Variants in COL22A1 observed in about 807,000 individuals in gnomAD.
COL22A1 encodes the protein collagen type XXII alpha 1 chain.
Under a neutral mutation model 248.9 loss-of-function variants are expected in COL22A1, and 221 were observed. That is an observed-to-expected ratio of 0.89 (90% CI 0.80 to 0.99). COL22A1 has a LOEUF of 0.99. Among genes scored for constraint, COL22A1 ranks in the 50% least tolerant of loss-of-function variants. The probability of loss-of-function intolerance (pLI) is 0.00; values close to 1 mark genes in which losing one functional copy is unlikely to be tolerated. For missense variants in COL22A1, 2,240 were observed against 2,179.0 expected, an observed-to-expected ratio of 1.03 and a Z score of -0.56; for synonymous variants, 891 against 793.4, an observed-to-expected ratio of 1.12 and a Z score of -2.07.
At chr8:138,669,885 CTTTT>C (rs34714342) in intron 41 of COL22A1, among the ~76,000 whole-genome samples, 10 of 121,232 alleles carry the variant, frequency 8.2e-5, no homozygotes, top group Non-Finnish European at 1.1e-4. Flanking sequence ...ACTCCTAAGA[CTTTT>C]TTTTTTTTTT....
chr8:138,724,432 A>G (rs145124619), intron 25 of COL22A1, among the ~76,000 whole-genome samples, 183 bp downstream of exon 25: 2 of 152,160 alleles, frequency 1.3e-5, no homozygotes, highest in African/African-American at 4.8e-5. Context: ...CAGACAGGGC[A>G]CTAGCACGAG....
intron 1 of COL22A1, among the ~76,000 whole-genome samples, chr8:138,912,699 C>T (rs1815537091): frequency 6.6e-6 from 1 of 151,932 alleles, no homozygotes. Flanking sequence ...GCCGAGGCTG[C>T]ACCTCGCACC....
At position 138,663,719 on chromosome 8, in the gene COL22A1, C is replaced by G; in HGVS notation, c.3172G>C (p.Asp1058His). 1 of 1,611,102 alleles carries G rather than the reference C, an allele frequency of 6.2e-7. No individual in the cohort carries two copies. Among genetic ancestry groups the G allele is most frequent in the Non-Finnish European group, 8.5e-7 (1 of 1,177,254 alleles). The change falls in exon 42 of 65, where the codon GAC (aspartate) becomes CAC (histidine). Residue 1058 changes from aspartate to histidine, a missense_variant. Physicochemically the swap from Asp to His is moderately conservative, Grantham distance 81 (BLOSUM62 -1). Coordinates refer to ENST00000303045, the MANE Select transcript of COL22A1 (RefSeq NM_152888.3). Reference protein sequence around the residue: ...GPPGPSGPPGDKGSPGSRGLP... With the variant: ...GPPGPSGPPGHKGSPGSRGLP... Reference sequence around the variant, plus strand: ...GCATACTGTACCGGGGATCCTTTGTCTCCTGGTGGTCCGGAAGGGCCCTAG... The same window carrying G: ...GCATACTGTACCGGGGATCCTTTGTGTCCTGGTGGTCCGGAAGGGCCCTAG...
At chr8:138,602,382 G>A (rs1011157989) in intron 59 of COL22A1, among the ~76,000 whole-genome samples, 2 of 152,098 alleles carry the variant, frequency 1.3e-5, no homozygotes, top group Admixed American at 6.5e-5. Flanking sequence ...TTGACTGATG[G>A]CACCAGCCCT....
chr8:138,700,560 G>A, intron 31 of COL22A1, among the ~76,000 whole-genome samples: 1 of 152,218 alleles, frequency 6.6e-6, no homozygotes, highest in Non-Finnish European at 1.5e-5. Context: ...AGGGATGCAG[G>A]TGCGTAGTAG....
At chr8:138,828,496 T>C (rs1017064127) in intron 5 of COL22A1, among the ~76,000 whole-genome samples, 2 of 152,286 alleles carry the variant, frequency 1.3e-5, no homozygotes, top group African/African-American at 2.4e-5. Flanking sequence ...TTTTTCATAG[T>C]GTTTCTCAGA....
intron 3 of COL22A1, among the ~76,000 whole-genome samples, chr8:138,857,307 G>T (rs905208711): frequency 3.3e-5 from 5 of 152,218 alleles, no homozygotes; most frequent in Non-Finnish European, 7.3e-5. Flanking sequence ...TACATCTGGG[G>T]AGAAGCTTCA....
chr8:138,806,573 C>T lies in COL22A1; in HGVS notation c.1494+1195G>A, dbSNP rs75779965. ...GGACAGGAAGAAAGCATCGCTCAGG[C>T]GAGTCATTTCACCATTTCGGCTTTT... is the stretch of plus-strand genomic sequence containing the variant. On this transcript the variant is annotated intron_variant, in intron 10 of 64. Transcript: ENST00000303045. 7.9e-3 allele frequency among the ~76,000 whole-genome samples: 1,201 copies of T among 152,194 alleles called. 8 individuals are homozygous for T. The highest frequency in any genetic ancestry group is 0.028 in the African/African-American group (1,154 of 41,484).
chr8:138,621,025 T>C (rs1467373037), intron 52 of COL22A1, among the ~76,000 whole-genome samples: 1 of 150,410 alleles, frequency 6.6e-6, no homozygotes, highest in African/African-American at 2.4e-5. Flanking sequence ...ATCCATCCTA[T>C]GTTCTATTTA....
At chr8:138,802,705 T>G (rs572311525) in intron 11 of COL22A1, among the ~76,000 whole-genome samples, 167 bp downstream of exon 11, 16 of 152,216 alleles carry the variant, frequency 1.1e-4, no homozygotes, top group South Asian at 4.2e-4. Flanking sequence ...CAGGCCTCCA[T>G]GCCCATGGAG....
intron 3 of COL22A1, among the ~76,000 whole-genome samples, chr8:138,875,580 G>C (rs890162705): frequency 1.4e-4 from 22 of 152,128 alleles, no homozygotes; most frequent in African/African-American, 5.1e-4. Context: ...TCTTAGCTGG[G>C]GCTGTGACCC....
intron 23 of COL22A1, among the ~76,000 whole-genome samples, chr8:138,730,068 G>T (rs1040414947): frequency 2.0e-5 from 3 of 152,212 alleles, no homozygotes; most frequent in African/African-American, 7.2e-5. Flanking sequence ...CCAAAAGGAA[G>T]GGAGAAAACT....
At chr8:138,845,698 C>A (rs972529619) in intron 3 of COL22A1, among the ~76,000 whole-genome samples, 1 of 152,036 alleles carries the variant, frequency 6.6e-6, no homozygotes, top group Non-Finnish European at 1.5e-5. Flanking sequence ...TGTGTCTTAG[C>A]GTGGGCACCT....
chr8:138,633,667 C>T (rs1242774598), intron 49 of COL22A1, among the ~76,000 whole-genome samples: 1 of 152,202 alleles, frequency 6.6e-6, no homozygotes, highest in Admixed American at 6.5e-5. Flanking sequence ...CTTTGCTTAA[C>T]ACTAACACCT....
chr8:138,608,059 G>A, intron 56 of COL22A1, 70 bp from the exon 57 acceptor site: 1 of 1,442,956 alleles, frequency 6.9e-7, no homozygotes, highest in Non-Finnish European at 9.7e-7. Context: ...CAAAGAGATA[G>A]ACTGATGCAC....
intron 30 of COL22A1, among the ~76,000 whole-genome samples, chr8:138,710,740 T>A (rs1828895779): frequency 6.6e-6 from 1 of 152,140 alleles, no homozygotes; most frequent in African/African-American, 2.4e-5. Flanking sequence ...TTTACAATTG[T>A]GTGGCATTGC....
chr8:138,742,875 TG>T (rs1831753624), intron 22 of COL22A1, among the ~76,000 whole-genome samples: 1 of 150,824 alleles, frequency 6.6e-6, no homozygotes, highest in African/African-American at 2.5e-5. Context: ...ATGGTAGTAG[TG>T]ATTGTGATGG....
At chr8:138,817,253 AC>A (rs1818752374) in intron 7 of COL22A1, among the ~76,000 whole-genome samples, 1 of 152,226 alleles carries the variant, frequency 6.6e-6, no homozygotes, top group African/African-American at 2.4e-5. Flanking sequence ...CAAGGGTGTT[AC>A]CACTGTGAGC....
At position 138,616,947 on chromosome 8, in the gene COL22A1, TC is replaced by T. The variant is rs1465270737; in HGVS notation, c.3836del (p.Gly1279AspfsTer149). 1.6e-5 allele frequency: 26 copies of T among 1,614,152 alleles called. No homozygotes were observed. Among genetic ancestry groups the T allele is most frequent in the Non-Finnish European group, 2.2e-5 (26 of 1,180,028 alleles). On this transcript the variant is annotated frameshift_variant, in exon 54 of 65. Transcript: ENST00000303045. LOFTEE classifies it high-confidence loss of function. ...EGARGPPGFKGHTGDSGAPGP... is the reference protein window; with the variant it reads ...EGARGPPGFKXHTGDSGAPGP... ...CGGGTGCACCAGAATCGCCTGTGTG[TC>T]CCTTGAAGCCCTAGAAGGAAGAGAA...
Sources: gnomAD v4.1 joint callset for allele counts (sites outside exome capture counted in the v4.1 genomes callset) on GRCh38, gnomAD v4.1.1 for gene constraint, MANE v1.5 for transcripts, NCBI Gene and HGNC (gene_info 2026-07-23, HGNC 2026-07-21) for gene names.